The following GAB2 variants were observed in gnomAD, a reference collection of about 807,000 sequenced individuals.
GAB2 encodes GRB2 associated binding protein 2, also known as GRB2-associated-binding protein 2.
In GAB2, 26 loss-of-function variants were observed where a neutral mutation model predicts 65.5. The ratio of observed to expected loss-of-function variants is 0.40; its 90% CI spans 0.29 to 0.55. GAB2 has a LOEUF of 0.55. Among genes scored for constraint, GAB2 ranks in the 20% least tolerant of loss-of-function variants. The pLI is 0.53. For missense variants in GAB2, 884 were observed against 875.8 expected (o/e 1.01, Z -0.12); for synonymous variants, 321 against 329.6 (o/e 0.97, Z 0.28).
At chr11:78,272,377 G>A (rs1165760505) in intron 2 of GAB2, among the ~76,000 whole-genome samples, 1 of 152,210 alleles carries the variant, frequency 6.6e-6, no homozygotes, top group African/African-American at 2.4e-5. Flanking sequence ...AGTCCAGGCT[G>A]AGGTGGTCTC....
At chr11:78,299,528 A>G (rs925643185) in intron 1 of GAB2, among the ~76,000 whole-genome samples, 3 of 152,224 alleles carry the variant, frequency 2.0e-5, no homozygotes, top group African/African-American at 7.2e-5. Context: ...GGAGTCCAGT[A>G]CACAGTGGAA....
intron 1 of GAB2, among the ~76,000 whole-genome samples, chr11:78,319,360 C>T (rs1855678714): frequency 6.6e-6 from 1 of 152,178 alleles, no homozygotes; most frequent in Non-Finnish European, 1.5e-5. Flanking sequence ...AAATGTTCAT[C>T]CCTTTGTGCC....
At chr11:78,372,671 C>A (rs1856587079) in intron 1 of GAB2, among the ~76,000 whole-genome samples, 1 of 152,164 alleles carries the variant, frequency 6.6e-6, no homozygotes, top group Non-Finnish European at 1.5e-5. Context: ...GAAAGTCCAA[C>A]AATCAAAAGT....
At chr11:78,332,013 G>A (rs1366235178) in intron 1 of GAB2, among the ~76,000 whole-genome samples, 1 of 152,130 alleles carries the variant, frequency 6.6e-6, no homozygotes, top group Non-Finnish European at 1.5e-5. Flanking sequence ...CCAAGGGCTT[G>A]CCCCTCCTCC....
At position 78,292,481 on chromosome 11, in the gene GAB2, G is replaced by A. The variant is rs1012110460; in HGVS notation, c.76-11580C>T. The stretch of plus-strand genomic sequence containing the variant: ...TGGAGGTTTAGAAATATTTTCAACT[G>A]TCAACTCTCAGGTGGTGATGTGGTT... On this transcript the variant is annotated intron_variant, in intron 1 of 9. Coordinates refer to ENST00000361507, the MANE Select transcript of GAB2 (RefSeq NM_080491.3). 2.0e-5 allele frequency among the ~76,000 whole-genome samples: 3 copies of A among 152,308 alleles called. No individual in the cohort carries two copies. In the East Asian group the frequency reaches 5.8e-4, roughly 29 times the overall value.
At chr11:78,264,486 C>T (rs531437356) in intron 2 of GAB2, among the ~76,000 whole-genome samples, 27 of 152,030 alleles carry the variant, frequency 1.8e-4, no homozygotes, top group African/African-American at 4.8e-4. Context: ...CTGCAGCCTC[C>T]GCCTCCCAGA....
At chr11:78,307,454 GA>G (rs971822787) in intron 1 of GAB2, among the ~76,000 whole-genome samples, 39 of 150,986 alleles carry the variant, frequency 2.6e-4, no homozygotes, top group Admixed American at 5.9e-4. Flanking sequence ...ATAAATCACA[GA>G]AAAAAAAATG....
chr11:78,397,095 T>C lies in GAB2; in HGVS notation c.75+20551A>G, dbSNP rs185920004. On this transcript the variant is annotated intron_variant, in intron 1 of 9. Transcript: ENST00000361507. ...TATTTTTGTGATGTGTGTTTATAAT[T>C]ACTTTATTGTGAATAAAACAAGTAT... 2.7e-4 allele frequency among the ~76,000 whole-genome samples: 41 copies of C among 152,322 alleles called. No homozygotes were observed. In the East Asian group the frequency reaches 5.4e-3, roughly 20 times the overall value.
chr11:78,338,524 T>C (rs1447017996), intron 1 of GAB2, among the ~76,000 whole-genome samples: 2 of 152,210 alleles, frequency 1.3e-5, no homozygotes, highest in Admixed American at 6.5e-5. Context: ...TAACACACTA[T>C]GCGCTTTCTC....
intron 2 of GAB2, among the ~76,000 whole-genome samples, chr11:78,265,203 CATAT>C (rs10530509): frequency 0.042 from 6,049 of 144,878 alleles, 337 homozygotes; most frequent in African/African-American, 0.13. Flanking sequence ...TTCTATACCA[CATAT>C]ATATATATAT....
At position 78,226,998 on chromosome 11, in the gene GAB2, G is replaced by T. The variant is rs762233222; in HGVS notation, c.674C>A (p.Thr225Lys). ...GCCCTGGGCAAGTTTTTGTACAGCT[G>T]TGTCACTCCTCATGAGAAAAGAGGC... ...TRASFLMRSDTAVQKLAQGNG... is the reference protein window; with the variant it reads ...TRASFLMRSDKAVQKLAQGNG... Residue 225 changes from threonine to lysine, a missense_variant, in exon 4 of 10, where the codon ACA (threonine) becomes AAA (lysine). Physicochemically the swap from Thr to Lys is moderately conservative, Grantham distance 78. Transcript: ENST00000361507. 1 of 1,613,614 alleles carries T rather than the reference G, an allele frequency of 6.2e-7. No homozygotes were observed. The highest frequency in any genetic ancestry group is 8.5e-7 in the Non-Finnish European group (1 of 1,179,844).
At chr11:78,361,285 T>C (rs1457839427) in intron 1 of GAB2, among the ~76,000 whole-genome samples, 1 of 152,138 alleles carries the variant, frequency 6.6e-6, no homozygotes, top group Non-Finnish European at 1.5e-5. Context: ...TTATAGCCTA[T>C]AAGAGGGAAA....
In GAB2 at chr11:78,359,383, C is replaced by T. The variant is rs112084554; in HGVS notation, c.75+58263G>A. On this transcript the variant is annotated intron_variant, in intron 1 of 9. Transcript: ENST00000361507. ...GAATGGCAATTAGACTATCAGCTAA[C>T]TCCTGAACAGCAACAGTGAAATCTA... Among the ~76,000 whole-genome samples the T allele has an allele frequency of 7.8e-3, 1,187 of 152,334 alleles. 14 individuals carry two copies. Among genetic ancestry groups the T allele is most frequent in the African/African-American group, 0.026 (1,088 of 41,580 alleles).
At chr11:78,311,428 T>A (rs559372991) in intron 1 of GAB2, among the ~76,000 whole-genome samples, 35 of 152,158 alleles carry the variant, frequency 2.3e-4, no homozygotes, top group Admixed American at 1.0e-3. Context: ...TAAAGAATAT[T>A]ATATATATAA....
At position 78,310,312 on chromosome 11, in the gene GAB2, C is replaced by T. The variant is rs535471906; in HGVS notation, c.76-29411G>A. 2.9e-3 allele frequency among the ~76,000 whole-genome samples: 437 copies of T among 149,346 alleles called. 4 individuals are homozygous for T. The highest frequency in any genetic ancestry group is 9.5e-3 in the African/African-American group (386 of 40,478). ...GGTCAGGAGATCAAGACCATCCTGG[C>T]TAACACGGTGAAACCCCGTCTCTAC... On this transcript the variant is annotated intron_variant, in intron 1 of 9. Transcript: ENST00000361507.
chr11:78,417,200 G>C (rs1455337061), intron 1 of GAB2, among the ~76,000 whole-genome samples: 3 of 152,056 alleles, frequency 2.0e-5, no homozygotes, highest in Non-Finnish European at 4.4e-5. Flanking sequence ...GGCGTGAGGC[G>C]CTCGCCCTTT....
intron 2 of GAB2, among the ~76,000 whole-genome samples, chr11:78,266,008 A>G (rs1565133198): frequency 6.6e-6 from 1 of 152,030 alleles, no homozygotes; most frequent in Non-Finnish European, 1.5e-5. Flanking sequence ...TGAGGTCAGG[A>G]GTTTGAGACC....
At chr11:78,299,870 T>C (rs1247059233) in intron 1 of GAB2, among the ~76,000 whole-genome samples, 2 of 152,226 alleles carry the variant, frequency 1.3e-5, no homozygotes, top group African/African-American at 4.8e-5. Flanking sequence ...TTTGTTTAAT[T>C]TGTAAGAATT....
chr11:78,360,600 G>C (rs953111108), intron 1 of GAB2, among the ~76,000 whole-genome samples: 35 of 152,142 alleles, frequency 2.3e-4, no homozygotes, highest in Admixed American at 6.6e-4. Context: ...GCTCATGCCT[G>C]TAATCACAGC....
Sources: gnomAD v4.1 joint callset for allele counts (sites outside exome capture counted in the v4.1 genomes callset) on GRCh38, gnomAD v4.1.1 for gene constraint, MANE v1.5 for transcripts, NCBI Gene and HGNC (gene_info 2026-07-23, HGNC 2026-07-21) for gene names.